Variants in PHACTR4 observed in about 807,000 individuals in gnomAD.
PHACTR4 encodes phosphatase and actin regulator 4.
In PHACTR4, 51 loss-of-function variants were observed where a neutral mutation model predicts 72.7. The observed-to-expected ratio is 0.70, with a 90% CI of 0.56 to 0.89. The LOEUF is 0.89. Among genes scored for constraint, PHACTR4 ranks in the 40% least tolerant of loss-of-function variants. The pLI is 0.00. For synonymous variants in PHACTR4, 255 were observed against 302.5 expected, an observed-to-expected ratio of 0.84 and a Z score of 1.63; for missense variants, 731 against 861.8, an observed-to-expected ratio of 0.85 and a Z score of 1.90.
At chr1:28,398,214 C>T (rs1338522936) in intron 1 of PHACTR4, among the ~76,000 whole-genome samples, 3 of 152,266 alleles carry the variant, frequency 2.0e-5, no homozygotes, top group East Asian at 3.9e-4. Context: ...CCATTAGCAA[C>T]AGCAGCATTA....
At chr1:28,416,697 C>T (rs545217370) in intron 2 of PHACTR4, among the ~76,000 whole-genome samples, 13 of 152,288 alleles carry the variant, frequency 8.5e-5, no homozygotes, top group African/African-American at 3.1e-4. Context: ...GAATTTATTG[C>T]TGCAAACTGA....
chr1:28,443,649 C>G (rs998586588), intron 2 of PHACTR4, among the ~76,000 whole-genome samples: 4 of 151,874 alleles, frequency 2.6e-5, no homozygotes, highest in African/African-American at 9.7e-5. Flanking sequence ...AGGTCTCACT[C>G]TCTTTCCCTG....
chr1:28,477,585 T>C lies in PHACTR4; in HGVS notation c.1606+1294T>C, dbSNP rs546835580. ...TTAGGCTATCCATCTCAAGCACTTATCATTTGTTTGTATTGGGATTATTCC... is the reference window on the plus strand; with the variant it reads ...TTAGGCTATCCATCTCAAGCACTTACCATTTGTTTGTATTGGGATTATTCC... On this transcript the variant is annotated intron_variant, in intron 8 of 13. Transcript: ENST00000373839. Among the ~76,000 whole-genome samples, 7 of 152,332 alleles carry C rather than the reference T, an allele frequency of 4.6e-5. No homozygotes were observed. The South Asian group carries it at 1.2e-3, about 27-fold the overall frequency.
intron 1 of PHACTR4, among the ~76,000 whole-genome samples, chr1:28,378,130 C>T (rs549969657): frequency 4.2e-5 from 6 of 143,418 alleles, no homozygotes; most frequent in African/African-American, 8.0e-5. Flanking sequence ...CTGGGAGGCA[C>T]GGCTTGCAGT....
intron 2 of PHACTR4, among the ~76,000 whole-genome samples, chr1:28,407,801 A>T (rs1406403162): frequency 6.6e-6 from 1 of 152,244 alleles, no homozygotes; most frequent in Non-Finnish European, 1.5e-5. Flanking sequence ...GAACCATTTG[A>T]CAAGATAAAA....
At chr1:28,402,388 T>C (rs1014434215) in intron 1 of PHACTR4, among the ~76,000 whole-genome samples, 1 of 152,148 alleles carries the variant, frequency 6.6e-6, no homozygotes, top group Non-Finnish European at 1.5e-5. Context: ...TCTGTTGAAG[T>C]TCAGGGGAGA....
chr1:28,417,688 A>G (rs957936626), intron 2 of PHACTR4, among the ~76,000 whole-genome samples: 9 of 152,366 alleles, frequency 5.9e-5, no homozygotes, highest in Admixed American at 2.6e-4. Flanking sequence ...ACTGCAGTCA[A>G]CCACAAGTAA....
chr1:28,393,750 G>T (rs1419506037), intron 1 of PHACTR4, among the ~76,000 whole-genome samples: 1 of 151,956 alleles, frequency 6.6e-6, no homozygotes, highest in Non-Finnish European at 1.5e-5. Context: ...TTGTTGCCCA[G>T]GCTGGAGTGC....
chr1:28,482,900 C>T (rs1369458230), intron 9 of PHACTR4, among the ~76,000 whole-genome samples: 1 of 150,802 alleles, frequency 6.6e-6, no homozygotes, highest in African/African-American at 2.5e-5. Flanking sequence ...AATTGCACCA[C>T]TGCACTCCAC....
In PHACTR4 at chr1:28,491,641, T is replaced by G. The variant is rs773547512; in HGVS notation, c.1879-9T>G. On this transcript the variant is annotated splice_polypyrimidine_tract_variant and intron_variant, in intron 11 of 13. Coordinates refer to ENST00000373839, the MANE Select transcript of PHACTR4 (RefSeq NM_001048183.3). ...GGCTTGGTGAACTAAGAGGCTCCGT[T>G]TCCTTCAGCTCAGTCAAAGGCCAAC... 2.5e-6 allele frequency: 4 copies of G among 1,613,904 alleles called. No individual in the cohort carries two copies. The South Asian group carries it at 4.4e-5, about 18-fold the overall frequency.
intron 2 of PHACTR4, among the ~76,000 whole-genome samples, chr1:28,417,940 A>G: frequency 7.4e-6 from 1 of 134,874 alleles, no homozygotes; most frequent in African/African-American, 2.9e-5. Flanking sequence ...CAACATTGGG[A>G]GACCCTACAA....
intron 2 of PHACTR4, among the ~76,000 whole-genome samples, chr1:28,412,122 G>T (rs1369759399): frequency 6.6e-6 from 1 of 152,108 alleles, no homozygotes; most frequent in Non-Finnish European, 1.5e-5. Context: ...TAAATGTTGG[G>T]AAGCTGTCAA....
intron 1 of PHACTR4, among the ~76,000 whole-genome samples, chr1:28,391,599 C>CT (rs751801605): frequency 0.018 from 1,792 of 98,722 alleles, 33 homozygotes; most frequent in African/African-American, 0.025. Flanking sequence ...AAAATATATT[C>CT]TTTTTTTTTT....
At chr1:28,420,459 C>T (rs1655440793) in intron 2 of PHACTR4, among the ~76,000 whole-genome samples, 1 of 152,140 alleles carries the variant, frequency 6.6e-6, no homozygotes. Context: ...CACCTCCCAC[C>T]ATTATGGTAA....
intron 1 of PHACTR4, among the ~76,000 whole-genome samples, chr1:28,390,203 A>G (rs1324435502): frequency 1.3e-5 from 2 of 152,056 alleles, no homozygotes; most frequent in African/African-American, 4.8e-5. Context: ...TACGGTGGCT[A>G]TTCCCAGGTG....
At chr1:28,446,358 T>C (rs1006759482) in intron 2 of PHACTR4, among the ~76,000 whole-genome samples, 20 of 152,320 alleles carry the variant, frequency 1.3e-4, no homozygotes, top group South Asian at 4.1e-4. Context: ...CCATGTTAAA[T>C]TGTAATCCCC....
intron 2 of PHACTR4, among the ~76,000 whole-genome samples, chr1:28,448,453 A>AAGGAG: frequency 6.6e-6 from 1 of 151,252 alleles, no homozygotes. Flanking sequence ...AAGGAAAGGA[A>AAGGAG]AGGAAACCTG....
intron 2 of PHACTR4, among the ~76,000 whole-genome samples, chr1:28,440,307 GAAA>G (rs1206889147): frequency 9.7e-5 from 8 of 82,114 alleles, no homozygotes; most frequent in African/African-American, 2.5e-4. Context: ...GTCTCAAAAA[GAAA>G]AAAAAAAAAA....
At chr1:28,421,383 GGGT>G (rs1390982481) in intron 2 of PHACTR4, among the ~76,000 whole-genome samples, 1 of 151,316 alleles carries the variant, frequency 6.6e-6, no homozygotes, top group Non-Finnish European at 1.5e-5. Context: ...GAAGATTCGT[GGGT>G]TTTTTTGTTT....
Sources: allele counts gnomAD v4.1 joint callset (sites outside exome capture counted in the v4.1 genomes callset), GRCh38; gene constraint gnomAD v4.1.1; transcripts MANE v1.5; gene names NCBI Gene and HGNC (gene_info 2026-07-23, HGNC 2026-07-21).